SWT1: variants seen among roughly 807,000 people sequenced by gnomAD.
SWT1 encodes the protein transcriptional protein SWT1.
In SWT1, 33 loss-of-function variants were observed where a neutral mutation model predicts 107.3. That is an observed-to-expected ratio of 0.31 (90% CI 0.23 to 0.41). SWT1 has a LOEUF of 0.41. Among genes scored for constraint, SWT1 ranks in the 10% least tolerant of loss-of-function variants. The probability of loss-of-function intolerance (pLI) is 1.00; values close to 1 mark genes in which losing one functional copy is unlikely to be tolerated. For synonymous variants in SWT1, 345 were observed against 348.3 expected, an observed-to-expected ratio of 0.99 and a Z score of 0.11; for missense variants, 898 against 1,028.9, an observed-to-expected ratio of 0.87 and a Z score of 1.74.
Position 185,182,981 on chromosome 1 carries a change from C to T in SWT1, c.1138+924C>T, listed in dbSNP as rs1352470362. ...TGAAACCCCATCTCTACTAAAAATA[C>T]GAAAAATTAGCTGGGCATGGTGGCC... On this transcript the variant is annotated intron_variant, in intron 7 of 18. Coordinates refer to ENST00000367500, the MANE Select transcript of SWT1 (RefSeq NM_017673.7). 7.3e-5 allele frequency among the ~76,000 whole-genome samples: 11 copies of T among 151,424 alleles called. No individual in the cohort carries two copies. In the South Asian group the frequency reaches 1.3e-3, roughly 17 times the overall value.
intron 16 of SWT1, among the ~76,000 whole-genome samples, chr1:185,265,777 A>T (rs796692318): frequency 3.7e-4 from 57 of 152,336 alleles, no homozygotes; most frequent in African/African-American, 1.3e-3. Context: ...TGATTTTGTT[A>T]TCCTCAATAA....
At chr1:185,284,954 AC>A (rs1401101119) in intron 18 of SWT1, among the ~76,000 whole-genome samples, 4 of 149,088 alleles carry the variant, frequency 2.7e-5, no homozygotes, top group Non-Finnish European at 5.9e-5. Context: ...AGTGACTGAG[AC>A]TCCCTGCAGC....
At chr1:185,164,620 C>T (rs144436396) in intron 2 of SWT1, among the ~76,000 whole-genome samples, 130 of 152,340 alleles carry the variant, frequency 8.5e-4, no homozygotes, top group African/African-American at 3.1e-3. Context: ...GAGATGGCTT[C>T]ATTCCTTAAA....
chr1:185,270,801 A>G (rs1040357457), intron 16 of SWT1, among the ~76,000 whole-genome samples: 3 of 152,178 alleles, frequency 2.0e-5, no homozygotes, highest in Admixed American at 1.3e-4. Context: ...TATGTAATCT[A>G]TTGATTTTTC....
At chr1:185,269,806 AT>A (rs1663718991) in intron 16 of SWT1, among the ~76,000 whole-genome samples, 1 of 152,208 alleles carries the variant, frequency 6.6e-6, no homozygotes, top group Non-Finnish European at 1.5e-5. Context: ...GGATTTTTCA[AT>A]TCTATGATGG....
chr1:185,218,370 A>T (rs1233385422), intron 14 of SWT1, among the ~76,000 whole-genome samples: 2 of 152,110 alleles, frequency 1.3e-5, no homozygotes, highest in Non-Finnish European at 2.9e-5. Flanking sequence ...CAGAGTTGTG[A>T]TCATAGCTCA....
intron 18 of SWT1, chr1:185,280,769 G>A: frequency 3.6e-6 from 1 of 277,830 alleles, no homozygotes. Context: ...GCCTGGAGGA[G>A]CTGAGAGAGT....
At chr1:185,242,307 A>G (rs1661304406) in intron 16 of SWT1, among the ~76,000 whole-genome samples, 1 of 152,154 alleles carries the variant, frequency 6.6e-6, no homozygotes, top group Non-Finnish European at 1.5e-5. Context: ...TATCAGTCGG[A>G]CTGAATTTTT....
rs768751061 is a variant in SWT1 at position 185,211,202 on chromosome 1, C to T, written c.1973-3305C>T. Among the ~76,000 whole-genome samples the T allele has an allele frequency of 4.6e-5, 7 of 152,100 alleles. No individual in the cohort carries two copies. In the East Asian group the frequency reaches 7.7e-4, roughly 17 times the overall value. The stretch of plus-strand genomic sequence containing the variant: ...AATTGGAAAAAAATACTTTAAATTT[C>T]GTATGGAACCAAAAAAGAGCCCACA... On this transcript the variant is annotated intron_variant, in intron 13 of 18. Transcript: ENST00000367500.
At chr1:185,190,165 A>G (rs1174793398) in intron 9 of SWT1, among the ~76,000 whole-genome samples, 1 of 152,160 alleles carries the variant, frequency 6.6e-6, no homozygotes, top group African/African-American at 2.4e-5. Flanking sequence ...ATTTTTTAAT[A>G]GAGTTTTTGA....
Position 185,174,368 on chromosome 1 carries a change from A to T in SWT1, c.225-4A>T. 6.5e-7 allele frequency: 1 copy of T among 1,532,002 alleles called. No homozygotes were observed. The allele number at this position is 1,532,002 out of a possible 1,614,324, so 94.9% of individuals were successfully genotyped here. A position where few individuals can be genotyped will look rare whatever the true frequency, so the allele number is the denominator to read the frequency against. On this transcript the variant is annotated splice_polypyrimidine_tract_variant and splice_region_variant and intron_variant, in intron 4 of 18. Coordinates refer to ENST00000367500, the MANE Select transcript of SWT1 (RefSeq NM_017673.7). ...GTAACCTAGGTTTCTGTGCTGTTTT[A>T]CAGATTGAGTGTAGAAATTGACACT...
intron 8 of SWT1, among the ~76,000 whole-genome samples, 157 bp downstream of exon 8, chr1:185,184,501 G>T (rs1183896763): frequency 6.6e-6 from 1 of 152,120 alleles, no homozygotes; most frequent in Non-Finnish European, 1.5e-5. Context: ...GCCTTTACAG[G>T]TTAAACTAGC....
At chr1:185,249,681 C>T (rs781496527) in intron 16 of SWT1, among the ~76,000 whole-genome samples, 4 of 152,050 alleles carry the variant, frequency 2.6e-5, no homozygotes, top group Admixed American at 1.3e-4. Flanking sequence ...TCTCAACATT[C>T]GTGTTCCAAA....
At chr1:185,222,275 A>G (rs1031920204) in intron 15 of SWT1, among the ~76,000 whole-genome samples, 11 of 152,144 alleles carry the variant, frequency 7.2e-5, no homozygotes, top group African/African-American at 2.4e-4. Context: ...GTCACAAGTG[A>G]CAGAATAACG....
rs527664603 is a variant in SWT1, at chr1:185,266,213, G to A, written c.2442-5110G>A. On this transcript the variant is annotated intron_variant, in intron 16 of 18. Transcript: ENST00000367500. ...TGAATAGCTGGGACTACAGGCGCCC[G>A]CCACCACGCCCAGCTAATTTTTTTG... Among the ~76,000 whole-genome samples the A allele has an allele frequency of 1.4e-4, 21 of 150,576 alleles. 1 individual carries two copies. The highest frequency in any genetic ancestry group is 7.8e-4 in the East Asian group (4 of 5,156).
intron 16 of SWT1, among the ~76,000 whole-genome samples, chr1:185,233,970 T>C (rs184931263): frequency 1.3e-5 from 2 of 152,260 alleles, no homozygotes; most frequent in Admixed American, 6.5e-5. Context: ...GGTCTCGATC[T>C]CCTGACCTCA....
intron 15 of SWT1, among the ~76,000 whole-genome samples, chr1:185,229,331 T>C (rs1394550478): frequency 6.6e-6 from 1 of 152,022 alleles, no homozygotes; most frequent in Admixed American, 6.6e-5. Flanking sequence ...GGAGCAAAAA[T>C]AGTAGTACCC....
intron 1 of SWT1, among the ~76,000 whole-genome samples, chr1:185,160,587 A>C (rs2102288843): frequency 6.6e-6 from 1 of 152,232 alleles, no homozygotes. Context: ...CTGTAATCTC[A>C]GCTGCTCAGG....
At chr1:185,199,162 T>C (rs769028690) in intron 10 of SWT1, among the ~76,000 whole-genome samples, 8 of 152,132 alleles carry the variant, frequency 5.3e-5, no homozygotes, top group Non-Finnish European at 8.8e-5. Context: ...GGTCTGGAAC[T>C]CCTGGCCTCG....
Sources: gnomAD v4.1 joint callset for allele counts (sites outside exome capture counted in the v4.1 genomes callset) on GRCh38, gnomAD v4.1.1 for gene constraint, MANE v1.5 for transcripts, NCBI Gene and HGNC (gene_info 2026-07-23, HGNC 2026-07-21) for gene names.